The following GALNTL6 variants were observed in gnomAD, a reference collection of about 807,000 sequenced individuals.
The protein encoded by GALNTL6 is polypeptide N-acetylgalactosaminyltransferase like 6.
Under a neutral mutation model 73.7 loss-of-function variants are expected in GALNTL6, and 46 were observed. The ratio of observed to expected loss-of-function variants is 0.62; its 90% CI spans 0.49 to 0.80. The LOEUF is 0.80. Among genes scored for constraint, GALNTL6 ranks in the 30% least tolerant of loss-of-function variants. The pLI, the probability that GALNTL6 is intolerant of heterozygous loss-of-function variation, is 0.00. For synonymous variants in GALNTL6, 259 were observed against 263.7 expected (o/e 0.98, Z 0.17); for missense variants, 604 against 755.0 (o/e 0.80, Z 2.34).
At chr4:172,101,093 TC>T (rs1229893219) in intron 2 of GALNTL6, among the ~76,000 whole-genome samples, 2 of 152,142 alleles carry the variant, frequency 1.3e-5, no homozygotes, top group African/African-American at 4.8e-5. Flanking sequence ...GGATGAATGT[TC>T]TGCAGTCTCT....
chr4:172,005,043 A>G (rs1445677192), intron 2 of GALNTL6, among the ~76,000 whole-genome samples: 4 of 152,144 alleles, frequency 2.6e-5, no homozygotes, highest in Non-Finnish European at 5.9e-5. Context: ...GCCAACCACA[A>G]ATTGTACTTT....
At chr4:172,940,798 A>G (rs1025303513) in intron 9 of GALNTL6, among the ~76,000 whole-genome samples, 10 of 152,002 alleles carry the variant, frequency 6.6e-5, no homozygotes, top group African/African-American at 2.4e-4. Context: ...TCAGCCTCCT[A>G]GGTAGCTGGG....
intron 5 of GALNTL6, among the ~76,000 whole-genome samples, chr4:172,446,506 G>A (rs979225697): frequency 6.6e-6 from 1 of 152,140 alleles, no homozygotes; most frequent in Non-Finnish European, 1.5e-5. Context: ...CCACAGTGGG[G>A]TGGTTTTCTA....
At chr4:172,263,157 G>T (rs1405043232) in intron 3 of GALNTL6, among the ~76,000 whole-genome samples, 2 of 151,308 alleles carry the variant, frequency 1.3e-5, no homozygotes, top group Non-Finnish European at 3.0e-5. Context: ...TTATTTGGAT[G>T]TCTAAATCTC....
intron 5 of GALNTL6, among the ~76,000 whole-genome samples, chr4:172,443,267 G>C (rs1175547325): frequency 6.7e-6 from 1 of 148,918 alleles, no homozygotes; most frequent in African/African-American, 2.5e-5. Flanking sequence ...CTGGTTTCAA[G>C]CGATTCTTCT....
rs184831647 is a variant in GALNTL6 at position 172,118,534 on chromosome 4, T to C, written c.139-111122T>C. ...TACCAACATGGTGAAACCCCGTCTC[T>C]ACTAAAAATACAAAAATTAGTTGGG... is the stretch of plus-strand genomic sequence containing the variant. On this transcript the variant is annotated intron_variant, in intron 2 of 12. Coordinates refer to ENST00000506823, the MANE Select transcript of GALNTL6 (RefSeq NM_001034845.3). Among the ~76,000 whole-genome samples the C allele has an allele frequency of 3.9e-3, 600 of 152,142 alleles. 3 individuals carry two copies. The highest frequency in any genetic ancestry group is 6.9e-3 in the Admixed American group (106 of 15,282).
At chr4:172,858,871 T>C (rs1341586255) in intron 7 of GALNTL6, among the ~76,000 whole-genome samples, 2 of 149,874 alleles carry the variant, frequency 1.3e-5, no homozygotes, top group Non-Finnish European at 3.0e-5. Flanking sequence ...CAAAGACAAA[T>C]GAAAAATATA....
intron 5 of GALNTL6, among the ~76,000 whole-genome samples, chr4:172,790,034 G>A (rs890865173): frequency 2.0e-5 from 3 of 152,168 alleles, no homozygotes; most frequent in Admixed American, 6.5e-5. Context: ...GTGAGAATCC[G>A]AAATAGTTTT....
At chr4:172,177,797 A>ATACACACACATATATGTGTGTGTATATC in intron 2 of GALNTL6, among the ~76,000 whole-genome samples, 1 of 132,348 alleles carries the variant, frequency 7.6e-6, no homozygotes, top group Non-Finnish European at 1.5e-5. Context: ...GTGTATATAT[A>ATACACACACATATATGTGTGTGTATATC]TACACACACA....
At position 172,809,818 on chromosome 4, in the gene GALNTL6, C is replaced by A. The variant is rs1405259771; in HGVS notation, c.739+272C>A. Among the ~76,000 whole-genome samples, 1 of 151,970 alleles carries A rather than the reference C, an allele frequency of 6.6e-6. No individual in the cohort carries two copies. Among genetic ancestry groups the A allele is most frequent in the African/African-American group, 2.4e-5 (1 of 41,356 alleles). ...AAAGGTTTCATTTATCTTAGATATC[C>A]TCCTTTAGTGTAGTCACATTCACTG... On this transcript the variant is annotated intron_variant, in intron 6 of 12. Transcript: ENST00000506823. This position sits in a 1 kb window ranked among gnomAD's most constrained non-coding sequence, Gnocchi z 4.4.
chr4:172,125,716 T>C lies in GALNTL6; in HGVS notation c.139-103940T>C, dbSNP rs72994109. Among the ~76,000 whole-genome samples the C allele has an allele frequency of 1.5e-3, 232 of 152,298 alleles. 2 individuals carry two copies. The highest frequency in any genetic ancestry group is 5.3e-3 in the African/African-American group (221 of 41,572). On this transcript the variant is annotated intron_variant, in intron 2 of 12. Transcript: ENST00000506823. The stretch of plus-strand genomic sequence containing the variant: ...GACTTTAGGACAAAAATTTACCACA[T>C]AAGATTCTTTCTCATAAAAAAATTA...
At chr4:172,312,348 C>T (rs1740392167) in intron 4 of GALNTL6, among the ~76,000 whole-genome samples, 1 of 152,050 alleles carries the variant, frequency 6.6e-6, no homozygotes, top group Non-Finnish European at 1.5e-5. Flanking sequence ...ATACTTACCC[C>T]AAATCCATCT....
chr4:173,004,134 T>C (rs944297082), intron 10 of GALNTL6, among the ~76,000 whole-genome samples: 1 of 151,456 alleles, frequency 6.6e-6, no homozygotes, highest in Non-Finnish European at 1.5e-5. Context: ...GTGTGAGCTG[T>C]GAACACGCCA....
chr4:172,582,829 T>C (rs1737245324), intron 5 of GALNTL6, among the ~76,000 whole-genome samples: 1 of 151,528 alleles, frequency 6.6e-6, no homozygotes, highest in South Asian at 2.1e-4. Flanking sequence ...GACTCTATAA[T>C]TAAGGTTATG....
At position 172,037,092 on chromosome 4, in the gene GALNTL6, T is replaced by C. The variant is rs1174579533; in HGVS notation, c.139-192564T>C. Among the ~76,000 whole-genome samples, 4 of 152,282 alleles carry C rather than the reference T, an allele frequency of 2.6e-5. No homozygotes were observed. The East Asian group carries it at 7.7e-4, about 29-fold the overall frequency. On this transcript the variant is annotated intron_variant, in intron 2 of 12. Coordinates refer to ENST00000506823, the MANE Select transcript of GALNTL6 (RefSeq NM_001034845.3). ...GGCTGGCACTTGGCTATGGACTATA[T>C]GTATACATAAATTTAAAAAGCCTGA...
At chr4:172,121,601 C>G (rs1733151979) in intron 2 of GALNTL6, among the ~76,000 whole-genome samples, 1 of 152,110 alleles carries the variant, frequency 6.6e-6, no homozygotes, top group Non-Finnish European at 1.5e-5. Context: ...ACATCAGAGA[C>G]AGTAATTGAT....
intron 10 of GALNTL6, among the ~76,000 whole-genome samples, chr4:172,986,525 T>C (rs1751295203): frequency 1.3e-5 from 2 of 152,174 alleles, no homozygotes; most frequent in South Asian, 2.1e-4. Flanking sequence ...GGTCAGGTTG[T>C]TAGAAAGACA....
chr4:172,077,958 T>A (rs1417753030), intron 2 of GALNTL6, among the ~76,000 whole-genome samples: 4 of 152,104 alleles, frequency 2.6e-5, no homozygotes, highest in Admixed American at 2.6e-4. Context: ...TTAGCTCCCA[T>A]GACTAAAAGG....
intron 2 of GALNTL6, among the ~76,000 whole-genome samples, chr4:171,928,496 A>G (rs929521679): frequency 1.3e-5 from 2 of 152,182 alleles, no homozygotes; most frequent in African/African-American, 4.8e-5. Flanking sequence ...AAATTTTAAG[A>G]CTGGAAGGCT....
Sources: gnomAD v4.1 joint callset for allele counts (sites outside exome capture counted in the v4.1 genomes callset) on GRCh38, gnomAD v4.1.1 for gene constraint, Gnocchi (gnomAD v3.1) non-coding constraint, MANE v1.5 for transcripts, NCBI Gene and HGNC (gene_info 2026-07-23, HGNC 2026-07-21) for gene names.